Variants in SYNJ1 observed in about 807,000 individuals in gnomAD.
The protein encoded by SYNJ1 is polyphosphatidylinositol phosphatase SYNJ1.
SYNJ1 carries 78 observed loss-of-function variants against 168.2 expected under a neutral mutation model. The observed-to-expected ratio is 0.46, with a 90% CI of 0.39 to 0.56. The LOEUF is 0.56. Ranked by LOEUF, SYNJ1 falls within the 20% of genes least tolerant of loss-of-function variation. The pLI, the probability that SYNJ1 is intolerant of heterozygous loss-of-function variation, is 0.00. For synonymous variants in SYNJ1, 539 were observed against 548.6 expected, an observed-to-expected ratio of 0.98 and a Z score of 0.24; for missense variants, 1,303 against 1,597.6, an observed-to-expected ratio of 0.82 and a Z score of 3.14.
intron 19 of SYNJ1, 80 bp downstream of exon 19, chr21:32,657,633 TCTC>T (rs141949209): frequency 0.024 from 30,999 of 1,294,954 alleles, 550 homozygotes; most frequent in Middle Eastern, 0.099. Context: ...AAAACAATAT[TCTC>T]CTCATTTGAT....
rs1057313838 is a variant in SYNJ1 at position 32,726,821 on chromosome 21, C to A, written c.75G>T (p.Arg25Ser). 6.2e-7 allele frequency: 1 copy of A among 1,614,062 alleles called. No individual in the cohort carries two copies. Among genetic ancestry groups the A allele is most frequent in the African/African-American group, 1.3e-5 (1 of 74,934 alleles). Reference sequence around the variant, plus strand: ...CGAACATGAGACATTCTTCCTTATGCCTAGTTTCCACTATGAGGCTGAAAG... The same window carrying A: ...CGAACATGAGACATTCTTCCTTATGACTAGTTTCCACTATGAGGCTGAAAG... ...PPPFSLIVET[R>S]HKEECLMFES... The change falls in exon 2 of 33, where the codon AGG (arginine) becomes AGT (serine). Residue 25 changes from arginine to serine, a missense_variant. Transcript: ENST00000674351.
chr21:32,645,774 G>A lies in SYNJ1; in HGVS notation c.3263C>T (p.Ala1088Val). The A allele has an allele frequency of 6.8e-7, 1 of 1,470,594 alleles. No individual in the cohort carries two copies. 91.1% of individuals were successfully genotyped at this position (1,470,594 alleles called of 1,614,324 possible). A position where few individuals can be genotyped will look rare whatever the true frequency, so the allele number is the denominator to read the frequency against. Reference protein sequence around the residue: ...PPSAQSSPIDAQPATPLPQKD... With the variant: ...PPSAQSSPIDVQPATPLPQKD... ...CTGCGGCAGCGGCGTTGCTGGCTGCGCGTCAATAGGAGAACCTAAAAAGCG... is the reference window on the plus strand; with the variant it reads ...CTGCGGCAGCGGCGTTGCTGGCTGCACGTCAATAGGAGAACCTAAAAAGCG... The change falls in exon 25 of 33, where the codon GCG becomes GTG. Residue 1088 changes from alanine to valine, a missense_variant. Ala to Val is a moderately conservative substitution (Grantham distance 64). Transcript: ENST00000674351.
At chr21:32,710,737 T>C (rs1232918331) in intron 2 of SYNJ1, among the ~76,000 whole-genome samples, 1 of 152,128 alleles carries the variant, frequency 6.6e-6, no homozygotes, top group Non-Finnish European at 1.5e-5. Flanking sequence ...TCCTACAATC[T>C]TTAGAATGGC....
Position 32,699,886 on chromosome 21 carries a change from T to G in SYNJ1, c.431A>C (p.Asn144Thr), listed in dbSNP as rs1333594220. 3.1e-6 allele frequency: 5 copies of G among 1,614,048 alleles called. No individual in the cohort carries two copies. The highest frequency in any genetic ancestry group is 4.2e-6 in the Non-Finnish European group (5 of 1,180,034). Residue 144 changes from asparagine to threonine, a missense_variant, in exon 4 of 33, where the codon AAT (asparagine) becomes ACT (threonine). Asn to Thr is a moderately conservative substitution (Grantham distance 65). Around this residue, in one of 2 missense-constraint regions of SYNJ1, gnomAD observed 920 missense variants for 1,208.8 expected, o/e 0.76. Transcript: ENST00000674351. ...CTGTTCTTGCATGCTACGATGCGCA[T>G]TAAGACTCAAATCTAAACTGATGCC... ...ASGISLDLSL[N>T]AHRSMQEQTT...
chr21:32,717,633 T>C (rs926717766), intron 2 of SYNJ1, among the ~76,000 whole-genome samples: 2 of 152,208 alleles, frequency 1.3e-5, no homozygotes, highest in Non-Finnish European at 2.9e-5. Flanking sequence ...ACTCTAGTTG[T>C]TAAACATGAA....
At position 32,629,403 on chromosome 21, in the gene SYNJ1, T is replaced by C. The variant is rs549189091; in HGVS notation, c.*2402A>G. 6.5e-6 allele frequency: 1 copy of C among 152,790 alleles called. No individual in the cohort carries two copies. Among genetic ancestry groups the C allele is most frequent in the Admixed American group, 6.5e-5 (1 of 15,306 alleles). The allele number at this position is 152,790 out of a possible 1,614,324, so 9.5% of individuals were successfully genotyped here. On this transcript the variant is annotated 3_prime_UTR_variant, in exon 33 of 33. Coordinates refer to ENST00000674351, the MANE Select transcript of SYNJ1 (RefSeq NM_203446.3). ...CAAGAGTTATTTCTAACAGCAAATC[T>C]TGGCTGTTAACAGAGAAGATTACTT...
chr21:32,678,138 C>T (rs2041484736), intron 12 of SYNJ1, among the ~76,000 whole-genome samples: 1 of 152,114 alleles, frequency 6.6e-6, no homozygotes, highest in African/African-American at 2.4e-5. Flanking sequence ...TTGGTAATAG[C>T]AGTTAGTGCC....
intron 14 of SYNJ1, among the ~76,000 whole-genome samples, chr21:32,672,079 A>AAAAAAAAAAAAG (rs2041222115): frequency 8.5e-6 from 1 of 117,978 alleles, no homozygotes. Context: ...AAAAAAAAAA[A>AAAAAAAAAAAAG]AAAAAGAAAA....
chr21:32,650,568 T>C (rs191067338), intron 22 of SYNJ1, among the ~76,000 whole-genome samples: 331 of 152,330 alleles, frequency 2.2e-3, no homozygotes, highest in African/African-American at 7.6e-3. Context: ...TAAATAAAGA[T>C]CTTTTCTAGG....
chr21:32,676,650 G>A (rs2041421912), intron 12 of SYNJ1, among the ~76,000 whole-genome samples: 2 of 152,280 alleles, frequency 1.3e-5, no homozygotes, highest in East Asian at 3.9e-4. Flanking sequence ...ATGCATGCAT[G>A]CGCACATGTT....
intron 20 of SYNJ1, 29 bp from the exon 21 acceptor site, chr21:32,656,931 T>C (rs761430475): frequency 1.2e-6 from 2 of 1,611,404 alleles, no homozygotes; most frequent in South Asian, 1.1e-5. Flanking sequence ...ATAGATGTAT[T>C]AGAAATGTTT....
chr21:32,631,557 T>C lies in SYNJ1; in HGVS notation c.*248A>G. ...TGGGTTTGGAGAACTTCGCATATTTTCCTGGGATTGACTCCGAGCTGGAAT... is the reference window on the plus strand; with the variant it reads ...TGGGTTTGGAGAACTTCGCATATTTCCCTGGGATTGACTCCGAGCTGGAAT... On this transcript the variant is annotated 3_prime_UTR_variant, in exon 33 of 33. Coordinates refer to ENST00000674351, the MANE Select transcript of SYNJ1 (RefSeq NM_203446.3). 1 of 1,614,166 alleles carries C rather than the reference T, an allele frequency of 6.2e-7. No individual in the cohort carries two copies. Among genetic ancestry groups the C allele is most frequent in the Non-Finnish European group, 8.5e-7 (1 of 1,180,026 alleles).
intron 22 of SYNJ1, among the ~76,000 whole-genome samples, chr21:32,651,582 C>A (rs2040271697): frequency 1.3e-5 from 2 of 152,302 alleles, no homozygotes; most frequent in African/African-American, 4.8e-5. Flanking sequence ...CAACAAAATT[C>A]TTTTATATTC....
chr21:32,651,274 T>C (rs1440074112), intron 22 of SYNJ1, among the ~76,000 whole-genome samples: 1 of 152,258 alleles, frequency 6.6e-6, no homozygotes, highest in Non-Finnish European at 1.5e-5. Context: ...GCAAATGAAC[T>C]GTGTAGCTGT....
At chr21:32,666,887 A>G (rs1312300201) in intron 15 of SYNJ1, among the ~76,000 whole-genome samples, 1 of 152,228 alleles carries the variant, frequency 6.6e-6, no homozygotes, top group Non-Finnish European at 1.5e-5. Context: ...GAAGTATAGA[A>G]GTATCTGTGG....
At chr21:32,678,902 T>C in intron 11 of SYNJ1, 101 bp from the exon 12 acceptor site, 1 of 1,497,888 alleles carries the variant, frequency 6.7e-7, no homozygotes, top group Non-Finnish European at 8.9e-7. Context: ...TATATGATTT[T>C]AGTATAAAAA....
rs376855373 is a variant in SYNJ1, at chr21:32,641,949, G to A, written c.3535C>T (p.Pro1179Ser). 2 of 1,613,976 alleles carry A rather than the reference G, an allele frequency of 1.2e-6. No homozygotes were observed. The highest frequency in any genetic ancestry group is 1.7e-6 in the Non-Finnish European group (2 of 1,179,930). ...CCTGGGCCTGCAAGTCCTGCTTGAG[G>A]TGAAGGCTGACTGCGTCCTGGAACA... is the stretch of plus-strand genomic sequence containing the variant. Reference protein sequence around the residue: ...KDNIGRSQPSPQAGLAGPGPA... With the variant: ...KDNIGRSQPSSQAGLAGPGPA... The change falls in exon 29 of 33, where the codon CCT becomes TCT. Residue 1179 changes from proline (P) to serine (S), a missense_variant. By Grantham distance (74) the Pro-to-Ser change is moderately conservative (BLOSUM62 -1). Coordinates refer to ENST00000674351, the MANE Select transcript of SYNJ1 (RefSeq NM_203446.3).
rs2039246663 is a variant in SYNJ1, at chr21:32,629,664, T to C, written c.*2141A>G. 2 of 152,404 alleles carry C rather than the reference T, an allele frequency of 1.3e-5. No individual in the cohort carries two copies. The highest frequency in any genetic ancestry group is 4.8e-5 in the African/African-American group (2 of 41,464). The allele number at this position is 152,404 out of a possible 1,614,324, so 9.4% of individuals were successfully genotyped here. A position where few individuals can be genotyped will look rare whatever the true frequency, so the allele number is the denominator to read the frequency against. On this transcript the variant is annotated 3_prime_UTR_variant, in exon 33 of 33. Transcript: ENST00000674351. ...TATAAAAGGAATGTTAATGTAAGTC[T>C]TAATGGGTAAAGATGATTGTAACTG... is the stretch of plus-strand genomic sequence containing the variant.
chr21:32,695,299 T>G lies in SYNJ1; in HGVS notation c.480-17A>C, dbSNP rs1030947495. On this transcript the variant is annotated splice_polypyrimidine_tract_variant and intron_variant, in intron 4 of 32. Transcript: ENST00000674351. ...GACTGATTCCTAATAGGAAAAGAAA[T>G]AAATGATTAGCTTATGGAATACTAA... 5.6e-6 allele frequency: 9 copies of G among 1,609,454 alleles called. No individual in the cohort carries two copies. In the African/African-American group the frequency reaches 8.0e-5, roughly 14 times the overall value.
Sources: gnomAD v4.1 joint callset for allele counts (sites outside exome capture counted in the v4.1 genomes callset) on GRCh38, gnomAD v4.1.1 for gene constraint, gnomAD v4.1.1 regional missense constraint, MANE v1.5 for transcripts, NCBI Gene and HGNC (gene_info 2026-07-23, HGNC 2026-07-21) for gene names.